The following DLGAP1 variants were observed in gnomAD, a reference collection of about 807,000 sequenced individuals.
DLGAP1 encodes DLG associated protein 1.
DLGAP1 carries 11 observed loss-of-function variants against 90.8 expected under a neutral mutation model. The ratio of observed to expected loss-of-function variants is 0.12; its 90% CI spans 0.08 to 0.20. DLGAP1 has a LOEUF of 0.20. DLGAP1 is among the 10% of genes least tolerant of loss of function. The pLI is 1.00. For missense variants in DLGAP1, 1,050 were observed against 1,333.8 expected, an observed-to-expected ratio of 0.79 and a Z score of 3.31; for synonymous variants, 558 against 540.7, an observed-to-expected ratio of 1.03 and a Z score of -0.44.
chr18:4,026,781 CT>C (rs1180581115), intron 2 of DLGAP1, among the ~76,000 whole-genome samples: 5 of 152,146 alleles, frequency 3.3e-5, no homozygotes, highest in African/African-American at 9.7e-5. Flanking sequence ...ATGCAAAAAC[CT>C]TTTCACAGTC....
chr18:4,358,285 G>T (rs547945129), intron 1 of DLGAP1, among the ~76,000 whole-genome samples: 21 of 152,314 alleles, frequency 1.4e-4, no homozygotes, highest in Admixed American at 1.2e-3. Context: ...ATGACTGAAA[G>T]ATTTCTTTGA....
chr18:4,324,498 T>A (rs2080771111), intron 1 of DLGAP1, among the ~76,000 whole-genome samples: 1 of 151,578 alleles, frequency 6.6e-6, no homozygotes. Flanking sequence ...GAGCAGGGAC[T>A]CCTCCCCAAC....
intron 1 of DLGAP1, among the ~76,000 whole-genome samples, chr18:4,286,369 G>C (rs1340792360): frequency 1.3e-5 from 2 of 152,104 alleles, no homozygotes; most frequent in Admixed American, 6.6e-5. Flanking sequence ...CGTTCTCTGA[G>C]CCTAGAATGT....
intron 1 of DLGAP1, among the ~76,000 whole-genome samples, chr18:4,231,036 T>A (rs2078288908): frequency 6.6e-6 from 1 of 152,146 alleles, no homozygotes; most frequent in Non-Finnish European, 1.5e-5. Context: ...TTTGTTTCAA[T>A]ACTTGCTCAA....
At position 4,384,177 on chromosome 18, in the gene DLGAP1, G is replaced by A. The variant is rs963810981; in HGVS notation, c.-267+70829C>T. Among the ~76,000 whole-genome samples, 6 of 152,048 alleles carry A rather than the reference G, an allele frequency of 3.9e-5. No homozygotes were observed. The South Asian group carries it at 6.2e-4, about 16-fold the overall frequency. On this transcript the variant is annotated intron_variant, in intron 1 of 12. Transcript: ENST00000315677. ...GTAAATGTTTAACCTACCTAATATC[G>A]GCTTTATCCAAGTTTCTTAGGGTCC...
At chr18:4,143,805 G>A (rs993375296) in intron 2 of DLGAP1, among the ~76,000 whole-genome samples, 2 of 152,130 alleles carry the variant, frequency 1.3e-5, no homozygotes, top group African/African-American at 4.8e-5. Context: ...TGAATATTCA[G>A]GGCTCAAAGG....
At position 3,683,502 on chromosome 18, in the gene DLGAP1, C is replaced by A. The variant is rs116000208; in HGVS notation, c.1591+45633G>T. On this transcript the variant is annotated intron_variant, in intron 7 of 12. Transcript: ENST00000315677. ...AAGAGAGAAACTTTTTTTTTAAAAT[C>A]TCTATTTGGGATGATAGACGATGCA... Among the ~76,000 whole-genome samples, 1,206 of 152,042 alleles carry A rather than the reference C, an allele frequency of 7.9e-3. 11 individuals carry two copies. Among genetic ancestry groups the A allele is most frequent in the African/African-American group, 0.028 (1,154 of 41,500 alleles).
At chr18:3,847,600 A>G (rs10163818) in intron 4 of DLGAP1, among the ~76,000 whole-genome samples, 140,364 of 152,180 alleles carry the variant, frequency 0.92, 65,004 homozygotes, top group East Asian at 1. Flanking sequence ...AAGGGCAGGC[A>G]ATTCAGGGGA....
chr18:3,657,526 A>G (rs2059533994), intron 7 of DLGAP1, among the ~76,000 whole-genome samples: 1 of 152,166 alleles, frequency 6.6e-6, no homozygotes, highest in African/African-American at 2.4e-5. Context: ...TATGTGGCAC[A>G]CAGTCTATAA....
chr18:4,366,472 G>A (rs2081769507), intron 1 of DLGAP1, among the ~76,000 whole-genome samples: 1 of 152,128 alleles, frequency 6.6e-6, no homozygotes, highest in East Asian at 1.9e-4. Flanking sequence ...TTCTTGTAGG[G>A]AGTGAAAAAT....
Position 3,560,883 on chromosome 18 carries a change from C to T in DLGAP1, c.2057+6607G>A, listed in dbSNP as rs551344629. ...CTCTTTTACCTCTTTGTAGTGGTTACCCTAGAGTTTGCATTATGTATTTAC... is the reference window on the plus strand; with the variant it reads ...CTCTTTTACCTCTTTGTAGTGGTTATCCTAGAGTTTGCATTATGTATTTAC... On this transcript the variant is annotated intron_variant, in intron 9 of 12. Transcript: ENST00000315677. Among the ~76,000 whole-genome samples the T allele has an allele frequency of 1.1e-3, 159 of 150,666 alleles. 14 individuals are homozygous for T. Among genetic ancestry groups the T allele is most frequent in the African/African-American group, 3.6e-3 (144 of 40,180 alleles).
At chr18:4,316,559 T>C (rs9947079) in intron 1 of DLGAP1, among the ~76,000 whole-genome samples, 34,498 of 151,982 alleles carry the variant, frequency 0.23, 3,958 homozygotes, top group Middle Eastern at 0.27. Context: ...TGGAGAGACA[T>C]GTAAGAGTAG....
intron 2 of DLGAP1, among the ~76,000 whole-genome samples, chr18:4,082,246 G>GCC (rs2075618767): frequency 6.6e-6 from 1 of 150,818 alleles, no homozygotes; most frequent in Non-Finnish European, 1.5e-5. Flanking sequence ...GGAGGCTGAG[G>GCC]CAGGAGAATT....
At chr18:4,160,590 G>A (rs903972031) in intron 1 of DLGAP1, among the ~76,000 whole-genome samples, 1 of 152,144 alleles carries the variant, frequency 6.6e-6, no homozygotes, top group African/African-American at 2.4e-5. Flanking sequence ...TCCCTCAGAA[G>A]ACTGAGATGC....
chr18:4,246,071 T>C (rs571229933), intron 1 of DLGAP1, among the ~76,000 whole-genome samples: 20 of 152,306 alleles, frequency 1.3e-4, no homozygotes, highest in Middle Eastern at 3.4e-3. Context: ...TTATTATCAC[T>C]GAAGAGTGTG....
chr18:4,442,922 C>T lies in DLGAP1; in HGVS notation c.-267+12084G>A, dbSNP rs116916913. ...TTCTTGCTCGGGGCTGAACTCAAAG[C>T]ACCTAGAATAGTGCTTGGCACATAG... On this transcript the variant is annotated intron_variant, in intron 1 of 12. Transcript: ENST00000315677. 4.0e-3 allele frequency among the ~76,000 whole-genome samples: 612 copies of T among 152,314 alleles called. 2 individuals are homozygous for T. Among genetic ancestry groups the T allele is most frequent in the Middle Eastern group, 0.01 (3 of 294 alleles).
chr18:3,912,560 C>T lies in DLGAP1; in HGVS notation c.-72-32420G>A, dbSNP rs546100659. On this transcript the variant is annotated intron_variant, in intron 3 of 12. Coordinates refer to ENST00000315677, the MANE Select transcript of DLGAP1 (RefSeq NM_004746.4). ...TGGAAGAAACAGAAAATAAACAGAA[C>T]GAACATGTTAGAAGAATAAACATAT... 1.2e-4 allele frequency among the ~76,000 whole-genome samples: 19 copies of T among 152,086 alleles called. No individual in the cohort carries two copies. The South Asian group carries it at 1.7e-3, about 13-fold the overall frequency.
chr18:3,963,583 GTTTT>G (rs35099419), intron 3 of DLGAP1, among the ~76,000 whole-genome samples: 6 of 117,568 alleles, frequency 5.1e-5, no homozygotes, highest in Admixed American at 8.4e-5. Flanking sequence ...ACTTTGGGCT[GTTTT>G]TTTTTTTTTT....
intron 3 of DLGAP1, among the ~76,000 whole-genome samples, chr18:3,884,575 A>G (rs1369476203): frequency 2.0e-5 from 3 of 152,218 alleles, no homozygotes; most frequent in Admixed American, 6.5e-5. Flanking sequence ...CATTCCATGC[A>G]AGATGACGTT....
Sources: allele counts gnomAD v4.1 joint callset (sites outside exome capture counted in the v4.1 genomes callset), GRCh38; gene constraint gnomAD v4.1.1; transcripts MANE v1.5; gene names NCBI Gene and HGNC (gene_info 2026-07-23, HGNC 2026-07-21).